Variants in FAF1 observed in about 807,000 individuals in gnomAD.
FAF1 encodes FAS-associated factor 1.
Under a neutral mutation model 92.5 loss-of-function variants are expected in FAF1, and 25 were observed. That is an observed-to-expected ratio of 0.27 (90% CI 0.20 to 0.38). The LOEUF (loss-of-function observed/expected upper bound fraction) is 0.38, where lower values mean the gene tolerates loss of function less well. FAF1 is among the 10% of genes least tolerant of loss of function. FAF1 has a pLI of 1.00. For missense variants in FAF1, 636 were observed against 793.3 expected (o/e 0.80, Z 2.38); for synonymous variants, 234 against 273.2 (o/e 0.86, Z 1.42).
At chr1:50,676,284 G>A (rs768643825) in intron 7 of FAF1, among the ~76,000 whole-genome samples, 2 of 152,010 alleles carry the variant, frequency 1.3e-5, no homozygotes, top group Non-Finnish European at 2.9e-5. Flanking sequence ...GCAGGCAGCT[G>A]TAATCCCAGC....
intron 6 of FAF1, among the ~76,000 whole-genome samples, chr1:50,720,386 CAA>C (rs1487804710): frequency 6.6e-6 from 1 of 152,144 alleles, no homozygotes; most frequent in Non-Finnish European, 1.5e-5. Context: ...ACAGTAATCA[CAA>C]TGTACTTGAA....
intron 15 of FAF1, among the ~76,000 whole-genome samples, chr1:50,518,940 C>A (rs946568460): frequency 6.6e-6 from 1 of 152,142 alleles, no homozygotes; most frequent in East Asian, 1.9e-4. Context: ...ATTCCCAAAG[C>A]TGTGCAAAGC....
rs915604774 is a variant in FAF1 at position 50,441,244 on chromosome 1, T to C, written c.*196A>G. 1.9e-5 allele frequency: 9 copies of C among 478,856 alleles called. No individual in the cohort carries two copies. The highest frequency in any genetic ancestry group is 1.6e-4 in the African/African-American group (8 of 50,518). 29.7% of individuals were successfully genotyped at this position (478,856 alleles called of 1,614,324 possible). ...GAGTTGTAATTCTCTGTAATAAGGG[T>C]TGGGAATATATACTCATGGATGGGA... On this transcript the variant is annotated 3_prime_UTR_variant, in exon 19 of 19. Coordinates refer to ENST00000396153, the MANE Select transcript of FAF1 (RefSeq NM_007051.3).
chr1:50,883,727 T>C (rs1644632831), intron 1 of FAF1, among the ~76,000 whole-genome samples: 1 of 152,128 alleles, frequency 6.6e-6, no homozygotes, highest in Non-Finnish European at 1.5e-5. Flanking sequence ...CAGGAAAAGC[T>C]GTAAAAAAAA....
Position 50,441,334 on chromosome 1 carries a change from A to G in FAF1, c.*106T>C, listed in dbSNP as rs1242817090. 1 of 597,214 alleles carries G rather than the reference A, an allele frequency of 1.7e-6. No homozygotes were observed. The highest frequency in any genetic ancestry group is 2.9e-6 in the Non-Finnish European group (1 of 343,592). 37.0% of individuals were successfully genotyped at this position (597,214 alleles called of 1,614,324 possible). On this transcript the variant is annotated 3_prime_UTR_variant, in exon 19 of 19. Coordinates refer to ENST00000396153, the MANE Select transcript of FAF1 (RefSeq NM_007051.3). ...ATTTTGCAAGAGGCAGAAGTGTGACATTGAATTGAGTGAGACGAGCGTGTG... is the reference window on the plus strand; with the variant it reads ...ATTTTGCAAGAGGCAGAAGTGTGACGTTGAATTGAGTGAGACGAGCGTGTG...
chr1:50,886,479 C>T (rs1157116327), intron 1 of FAF1, among the ~76,000 whole-genome samples: 2 of 152,182 alleles, frequency 1.3e-5, no homozygotes, highest in East Asian at 1.9e-4. Flanking sequence ...GCTGCACCCA[C>T]TAACTCGTCA....
At chr1:50,614,739 T>A (rs1652829618) in intron 8 of FAF1, among the ~76,000 whole-genome samples, 1 of 149,584 alleles carries the variant, frequency 6.7e-6, no homozygotes, top group African/African-American at 2.5e-5. Flanking sequence ...CTAGGGAGGC[T>A]GAGGCAGGAG....
At chr1:50,749,358 A>C (rs1385834724) in intron 4 of FAF1, among the ~76,000 whole-genome samples, 22 of 152,214 alleles carry the variant, frequency 1.4e-4, no homozygotes, top group Admixed American at 1.4e-3. Flanking sequence ...ACAAGAAGGG[A>C]CTTTAACTTA....
chr1:50,951,195 C>A (rs536055705), intron 1 of FAF1, among the ~76,000 whole-genome samples: 1 of 152,234 alleles, frequency 6.6e-6, no homozygotes, highest in African/African-American at 2.4e-5. Flanking sequence ...GATCACGCCA[C>A]TGCACTCCAG....
At chr1:50,873,284 A>G (rs1231275461) in intron 1 of FAF1, among the ~76,000 whole-genome samples, 2 of 152,182 alleles carry the variant, frequency 1.3e-5, no homozygotes, top group African/African-American at 4.8e-5. Flanking sequence ...CTTTATTCAG[A>G]TATCTACTTT....
chr1:50,568,417 T>C (rs981565148), intron 12 of FAF1, among the ~76,000 whole-genome samples: 1 of 152,092 alleles, frequency 6.6e-6, no homozygotes, highest in African/African-American at 2.4e-5. Flanking sequence ...AAATCTGATG[T>C]TAGGAATTAT....
chr1:50,442,671 G>A (rs1646183621), intron 18 of FAF1, among the ~76,000 whole-genome samples: 1 of 152,102 alleles, frequency 6.6e-6, no homozygotes, highest in African/African-American at 2.4e-5. Flanking sequence ...CTTAACTCAA[G>A]CTGCTCCTAA....
At chr1:50,451,779 T>G in intron 18 of FAF1, 3 of 935,616 alleles carry the variant, frequency 3.2e-6, no homozygotes, top group Non-Finnish European at 3.8e-6. Flanking sequence ...GCCCAGTGAG[T>G]GGAAAGAACT....
At chr1:50,829,191 G>A (rs1644131278) in intron 2 of FAF1, among the ~76,000 whole-genome samples, 1 of 152,092 alleles carries the variant, frequency 6.6e-6, no homozygotes, top group Non-Finnish European at 1.5e-5. Flanking sequence ...AGGTTGTACT[G>A]ACAACCACTT....
chr1:50,520,090 T>C (rs1348792830), intron 15 of FAF1, among the ~76,000 whole-genome samples: 1 of 152,236 alleles, frequency 6.6e-6, no homozygotes, highest in East Asian at 1.9e-4. Flanking sequence ...ACCTACTAAA[T>C]GTCTACATAT....
intron 2 of FAF1, among the ~76,000 whole-genome samples, chr1:50,808,708 G>A (rs1461477741): frequency 6.6e-6 from 1 of 150,440 alleles, no homozygotes; most frequent in African/African-American, 2.4e-5. Context: ...CTATATCCCA[G>A]AGTTTCTGAT....
At chr1:50,593,902 T>C (rs552702722) in intron 9 of FAF1, among the ~76,000 whole-genome samples, 1 of 152,204 alleles carries the variant, frequency 6.6e-6, no homozygotes, top group Non-Finnish European at 1.5e-5. Context: ...GTCCAAAATA[T>C]ATAGGCAGTT....
chr1:50,448,795 T>C (rs1192240845), intron 18 of FAF1, among the ~76,000 whole-genome samples: 3 of 152,222 alleles, frequency 2.0e-5, no homozygotes, highest in Admixed American at 6.5e-5. Flanking sequence ...TATCTTTCAA[T>C]TGGTCTTATG....
At chr1:50,780,845 G>C (rs1419803043) in intron 4 of FAF1, 1 of 451,134 alleles carries the variant, frequency 2.2e-6, no homozygotes, top group Non-Finnish European at 4.4e-6. Context: ...ACGTGTCCTT[G>C]ATGCATCTTA....
Sources: gnomAD v4.1 joint callset for allele counts (sites outside exome capture counted in the v4.1 genomes callset) on GRCh38, gnomAD v4.1.1 for gene constraint, MANE v1.5 for transcripts, NCBI Gene and HGNC (gene_info 2026-07-23, HGNC 2026-07-21) for gene names.